ZNF600: variants seen among roughly 807,000 people sequenced by gnomAD.
The protein encoded by ZNF600 is zinc finger protein KR-ZNF1.
ZNF600 carries 4 observed loss-of-function variants against 7.3 expected under a neutral mutation model. The observed-to-expected ratio is 0.55, with a 90% CI of 0.27 to 1.25. The LOEUF (loss-of-function observed/expected upper bound fraction) is 1.25, where lower values mean the gene tolerates loss of function less well. Ranked by LOEUF, ZNF600 falls within the 50% of genes most tolerant of loss-of-function variation. The probability of loss-of-function intolerance (pLI) is 0.12; values close to 1 mark genes in which losing one functional copy is unlikely to be tolerated. For synonymous variants in ZNF600, 290 were observed against 308.9 expected (o/e 0.94, Z 0.64); for missense variants, 911 against 922.1 (o/e 0.99, Z 0.16).
At chr19:52,794,993 T>C in the ZNF600 span, among the ~76,000 whole-genome samples, 1 of 152,156 alleles carries the variant, frequency 6.6e-6, no homozygotes, top group Non-Finnish European at 1.5e-5. Flanking sequence ...ACGTTCAAAA[T>C]AAACACAATT....
chr19:52,810,683 C>A, the ZNF600 span: 1 of 862,406 alleles, frequency 1.2e-6, no homozygotes, highest in Non-Finnish European at 2.0e-6. Flanking sequence ...CGGGCTAGAG[C>A]GACATCACGG....
chr19:52,776,926 AG>A (rs2062680284), intron 2 of ZNF600, among the ~76,000 whole-genome samples: 1 of 152,108 alleles, frequency 6.6e-6, no homozygotes, highest in Non-Finnish European at 1.5e-5. Context: ...TCTGGGAGTC[AG>A]AGGCTACAGT....
At chr19:52,825,873 A>G in the ZNF600 span, among the ~76,000 whole-genome samples, 1 of 152,200 alleles carries the variant, frequency 6.6e-6, no homozygotes, top group Non-Finnish European at 1.5e-5. Flanking sequence ...CTTTAGTCCC[A>G]GGTATTCAGG....
chr19:52,813,536 G>A, the ZNF600 span, among the ~76,000 whole-genome samples: 32 of 142,224 alleles, frequency 2.2e-4, 5 homozygotes, highest in African/African-American at 8.2e-4. Context: ...CAGACTGTTC[G>A]GCTTGTCACC....
exon 4 of ZNF600, chr19:52,765,560 A>G: frequency 6.2e-7 from 1 of 1,613,586 alleles, no homozygotes; most frequent in Non-Finnish European, 8.5e-7. Flanking sequence ...TTGTAGCGTT[A>G]CTGAAGACTT....
intron 2 of ZNF600, among the ~76,000 whole-genome samples, chr19:52,774,918 T>C (rs1260039712): frequency 1.3e-5 from 2 of 152,084 alleles, no homozygotes; most frequent in Non-Finnish European, 2.9e-5. Context: ...CTCAATTTCA[T>C]AGACAACATA....
chr19:52,794,476 C>T, the ZNF600 span, among the ~76,000 whole-genome samples: 1 of 152,050 alleles, frequency 6.6e-6, no homozygotes, highest in African/African-American at 2.4e-5. Flanking sequence ...TGAGAAGCTC[C>T]GAGTTGAGTC....
chr19:52,818,885 GA>G, the ZNF600 span, among the ~76,000 whole-genome samples: 1,786 of 114,288 alleles, frequency 0.016, 120 homozygotes, highest in African/African-American at 0.062. Flanking sequence ...GTCTGTTTGG[GA>G]AAAAAAAAAA....
chr19:52,786,397 G>A (rs1386337865), intron 1 of ZNF600, among the ~76,000 whole-genome samples, 198 bp downstream of exon 1: 1 of 152,210 alleles, frequency 6.6e-6, no homozygotes, highest in Non-Finnish European at 1.5e-5. Flanking sequence ...GGGCGAGGCT[G>A]GGAGGCGCCC....
At chr19:52,787,471 A>G (rs2062774751), upstream of ZNF600, among the ~76,000 whole-genome samples, 2 of 133,506 alleles carry the variant, frequency 1.5e-5, 1 homozygote, top group Middle Eastern at 9.1e-3. Flanking sequence ...CAGTGGCACG[A>G]TTTTGGCTCA....
the ZNF600 span, among the ~76,000 whole-genome samples, chr19:52,827,692 C>T: frequency 6.6e-6 from 1 of 151,278 alleles, no homozygotes; most frequent in Admixed American, 6.6e-5. Context: ...CTACAGGCAC[C>T]CGCCACCACG....
the ZNF600 span, among the ~76,000 whole-genome samples, chr19:52,810,890 CCCCTCCCCCTCCCTCT>C: frequency 0.023 from 347 of 15,174 alleles, 21 homozygotes; most frequent in African/African-American, 0.084. Flanking sequence ...CCTCCCCCTC[CCCCTCCCCCTCCCTCT>C]CCCTCTCCCT....
upstream of ZNF600, chr19:52,786,850 G>C (rs949707100): frequency 4.2e-5 from 11 of 262,846 alleles, no homozygotes; most frequent in South Asian, 2.5e-4. Context: ...GGCCCCAGGC[G>C]GAGAGACCTT....
chr19:52,818,142 C>G, the ZNF600 span: 1 of 1,146,660 alleles, frequency 8.7e-7, no homozygotes, highest in Non-Finnish European at 1.2e-6. Context: ...GTCCCCTATG[C>G]TGCCTACCGC....
the ZNF600 span, among the ~76,000 whole-genome samples, chr19:52,809,658 T>G: frequency 1.3e-5 from 2 of 151,964 alleles, no homozygotes; most frequent in Non-Finnish European, 2.9e-5. Flanking sequence ...ATACAAAAAA[T>G]AGCCAGACGT....
At chr19:52,796,065 C>T in the ZNF600 span, among the ~76,000 whole-genome samples, 4 of 152,136 alleles carry the variant, frequency 2.6e-5, no homozygotes, top group African/African-American at 9.7e-5. Context: ...GTCCCAGTGA[C>T]TTTGGAGGCT....
At chr19:52,766,076 G>A in exon 4 of ZNF600, 2 of 1,613,990 alleles carry the variant, frequency 1.2e-6, no homozygotes, top group Non-Finnish European at 1.7e-6. Flanking sequence ...TGAAGGTCTT[G>A]CCACACTCAT....
At chr19:52,775,002 G>A (rs2062661978) in intron 2 of ZNF600, among the ~76,000 whole-genome samples, 1 of 152,166 alleles carries the variant, frequency 6.6e-6, no homozygotes, top group Non-Finnish European at 1.5e-5. Flanking sequence ...CACTTCGGGA[G>A]GCCAAGGCGG....
intron 3 of ZNF600, among the ~76,000 whole-genome samples, chr19:52,772,400 C>T (rs1042299013): frequency 5.9e-5 from 9 of 151,838 alleles, no homozygotes; most frequent in Admixed American, 4.6e-4. Flanking sequence ...GTCAGGAGTT[C>T]GAGACCAGCC....
Sources: allele counts gnomAD v4.1 joint callset (sites outside exome capture counted in the v4.1 genomes callset), GRCh38; gene constraint gnomAD v4.1.1; transcripts MANE v1.5; gene names NCBI Gene and HGNC (gene_info 2026-07-23, HGNC 2026-07-21).